Variants in ATXN10 observed in about 807,000 individuals in gnomAD.
ATXN10 encodes the protein ataxin-10.
Under a neutral mutation model 52.9 loss-of-function variants are expected in ATXN10, and 28 were observed. The ratio of observed to expected loss-of-function variants is 0.53; its 90% CI spans 0.39 to 0.73. The LOEUF (loss-of-function observed/expected upper bound fraction) is 0.73. Among genes scored for constraint, ATXN10 ranks in the 30% least tolerant of loss-of-function variants. The pLI, the probability that ATXN10 is intolerant of heterozygous loss-of-function variation, is 0.00. For synonymous variants in ATXN10, 226 were observed against 221.5 expected, an observed-to-expected ratio of 1.02 and a Z score of -0.18; for missense variants, 565 against 577.0, an observed-to-expected ratio of 0.98 and a Z score of 0.21.
chr22:45,785,356 G>T (rs1435033716), intron 9 of ATXN10, among the ~76,000 whole-genome samples: 3 of 152,140 alleles, frequency 2.0e-5, no homozygotes, highest in African/African-American at 7.2e-5. Context: ...TTGACATTTT[G>T]CCTAATTAAA....
chr22:45,807,080 A>C (rs753770293), intron 10 of ATXN10, 58 bp downstream of exon 10: 1 of 1,405,644 alleles, frequency 7.1e-7, no homozygotes, highest in South Asian at 1.1e-5. Flanking sequence ...TTAGCAAAAC[A>C]AGTCCCTTGC....
chr22:45,822,523 A>ATTTT (rs763159693), intron 10 of ATXN10, among the ~76,000 whole-genome samples: 39 of 96,600 alleles, frequency 4.0e-4, no homozygotes, highest in African/African-American at 9.1e-4. Context: ...AATTTCTCCA[A>ATTTT]TTTTTTTTTT....
chr22:45,800,007 A>G (rs978848930), intron 9 of ATXN10, among the ~76,000 whole-genome samples: 1 of 152,216 alleles, frequency 6.6e-6, no homozygotes, highest in Admixed American at 6.5e-5. Context: ...TTGATTTAAA[A>G]TAGCCACATA....
At position 45,761,775 on chromosome 22, in the gene ATXN10, T is replaced by C. The variant is rs527735669; in HGVS notation, c.1173+21237T>C. 3.3e-5 allele frequency among the ~76,000 whole-genome samples: 5 copies of C among 152,368 alleles called. No homozygotes were observed. The East Asian group carries it at 9.6e-4, about 29-fold the overall frequency. On this transcript the variant is annotated intron_variant, in intron 9 of 11. Transcript: ENST00000252934. ...GAATATCAAAAGTTGGTTACTTTTC[T>C]AAATGGGCCTTTAATTAAAATTTTA...
At chr22:45,801,097 G>A (rs1013476018) in intron 9 of ATXN10, among the ~76,000 whole-genome samples, 8 of 152,216 alleles carry the variant, frequency 5.3e-5, no homozygotes, top group African/African-American at 1.9e-4. Context: ...GGTTTCAGGC[G>A]TTTCTTCTGA....
At chr22:45,799,290 A>G (rs954413445) in intron 9 of ATXN10, among the ~76,000 whole-genome samples, 2 of 152,162 alleles carry the variant, frequency 1.3e-5, no homozygotes, top group African/African-American at 4.8e-5. Flanking sequence ...TGAAAATGCA[A>G]AAGACCTAGA....
intron 4 of ATXN10, 106 bp from the exon 5 acceptor site, chr22:45,702,583 C>G: frequency 1.9e-6 from 2 of 1,032,558 alleles, no homozygotes; most frequent in South Asian, 1.4e-5. Context: ...ATTCTAAATC[C>G]TCAAAAGTAT....
At chr22:45,793,771 CA>C (rs1388660568) in intron 9 of ATXN10, 1 of 1,376,538 alleles carries the variant, frequency 7.3e-7, no homozygotes, top group Non-Finnish European at 9.4e-7. Context: ...CCCAGTGATG[CA>C]GGACAGGTAA....
intron 9 of ATXN10, among the ~76,000 whole-genome samples, chr22:45,765,621 C>T (rs1166280588): frequency 1.3e-5 from 2 of 152,068 alleles, no homozygotes; most frequent in Non-Finnish European, 2.9e-5. Flanking sequence ...TTTTAAAAGC[C>T]CCTCCATGTC....
chr22:45,727,278 A>G lies in ATXN10; in HGVS notation c.729-2147A>G, dbSNP rs1318132782. On this transcript the variant is annotated intron_variant, in intron 6 of 11. Transcript: ENST00000252934. This position sits in a 1 kb window ranked among gnomAD's most constrained non-coding sequence, Gnocchi z 4.6. ...TGGAATTGATTTCTAGTTTTATTCT[A>G]TTGTGGTCTGAGAAGATACTTGATA... Among the ~76,000 whole-genome samples the G allele has an allele frequency of 6.6e-6, 1 of 151,968 alleles. No homozygotes were observed. Among genetic ancestry groups the G allele is most frequent in the African/African-American group, 2.4e-5 (1 of 41,380 alleles).
At chr22:45,811,241 T>G (rs745308164) in intron 10 of ATXN10, among the ~76,000 whole-genome samples, 3 of 152,204 alleles carry the variant, frequency 2.0e-5, no homozygotes, top group Non-Finnish European at 4.4e-5. Context: ...GTTATCATTA[T>G]GAAGTGACCC....
chr22:45,789,903 A>G lies in ATXN10; in HGVS notation c.1174-17056A>G, dbSNP rs1927449798. Reference sequence around the variant, plus strand: ...TGGGTCAGAACAACACATGAATCTAATTAACTGCAAAATCACTTTGACCTC... The same window carrying G: ...TGGGTCAGAACAACACATGAATCTAGTTAACTGCAAAATCACTTTGACCTC... On this transcript the variant is annotated intron_variant, in intron 9 of 11. Transcript: ENST00000252934. The surrounding 1 kb of genome is among the most constrained non-coding windows in gnomAD (Gnocchi z 4.0). Among the ~76,000 whole-genome samples the G allele has an allele frequency of 6.6e-6, 1 of 152,168 alleles. No individual in the cohort carries two copies. The highest frequency in any genetic ancestry group is 1.5e-5 in the Non-Finnish European group (1 of 68,028).
In ATXN10 at chr22:45,712,662, A is replaced by G. The variant is rs1986473449; in HGVS notation, c.648-5751A>G. Among the ~76,000 whole-genome samples, 1 of 152,224 alleles carries G rather than the reference A, an allele frequency of 6.6e-6. No homozygotes were observed. The highest frequency in any genetic ancestry group is 1.5e-5 in the Non-Finnish European group (1 of 68,040). ...TAATACGTTTCCCCCAGTGCCTGGCACATGTAGATTCAGGAAATCTATTTA... is the reference window on the plus strand; with the variant it reads ...TAATACGTTTCCCCCAGTGCCTGGCGCATGTAGATTCAGGAAATCTATTTA... On this transcript the variant is annotated intron_variant, in intron 5 of 11. Transcript: ENST00000252934. The surrounding 1 kb of genome is among the most constrained non-coding windows in gnomAD (Gnocchi z 4.6).
Position 45,705,641 on chromosome 22 carries a change from G to T in ATXN10, c.647+2794G>T, listed in dbSNP as rs965826171. Among the ~76,000 whole-genome samples, 9 of 151,986 alleles carry T rather than the reference G, an allele frequency of 5.9e-5. No individual in the cohort carries two copies. The highest frequency in any genetic ancestry group is 2.2e-4 in the African/African-American group (9 of 41,368). On this transcript the variant is annotated intron_variant, in intron 5 of 11. Transcript: ENST00000252934. This position sits in a 1 kb window ranked among gnomAD's most constrained non-coding sequence, Gnocchi z 5.2. ...AGTAGAGACGGGGTTTCACCATCTT[G>T]GCCAGGTTGGTATTGAACTCCTAAT... is the stretch of plus-strand genomic sequence containing the variant.
chr22:45,699,267 T>C (rs1056610694), intron 3 of ATXN10, among the ~76,000 whole-genome samples: 8 of 152,128 alleles, frequency 5.3e-5, no homozygotes, highest in Non-Finnish European at 1.0e-4. Context: ...TGTACCTGTC[T>C]GGAGTTTTCT....
chr22:45,705,599 A>AT lies in ATXN10; in HGVS notation c.647+2760dup, dbSNP rs1252334325. On this transcript the variant is annotated intron_variant, in intron 5 of 11. Coordinates refer to ENST00000252934, the MANE Select transcript of ATXN10 (RefSeq NM_013236.4). The surrounding 1 kb of genome is among the most constrained non-coding windows in gnomAD (Gnocchi z 5.2). ...AGGTGCCCGCCACCACACCCGGCTA[A>AT]TTTTTTTTGTATTTTTAGTAGAGAC... Among the ~76,000 whole-genome samples, 5 of 151,474 alleles carry AT rather than the reference A, an allele frequency of 3.3e-5. No homozygotes were observed. Among genetic ancestry groups the AT allele is most frequent in the Admixed American group, 3.3e-4 (5 of 15,220 alleles).
intron 10 of ATXN10, among the ~76,000 whole-genome samples, chr22:45,832,660 T>C (rs1929031684): frequency 6.6e-6 from 1 of 152,246 alleles, no homozygotes; most frequent in Non-Finnish European, 1.5e-5. Context: ...GAATAGATCA[T>C]GATTAAATTT....
At chr22:45,821,111 T>C (rs1928631663) in intron 10 of ATXN10, among the ~76,000 whole-genome samples, 2 of 152,174 alleles carry the variant, frequency 1.3e-5, no homozygotes, top group African/African-American at 2.4e-5. Flanking sequence ...TGACTGAAGA[T>C]AGGAAAAGCC....
chr22:45,810,206 C>T (rs964019859), intron 10 of ATXN10, among the ~76,000 whole-genome samples: 2 of 152,190 alleles, frequency 1.3e-5, no homozygotes, highest in African/African-American at 4.8e-5. Flanking sequence ...CCACCTTTAT[C>T]AGAAGAATTG....
Sources: allele counts gnomAD v4.1 joint callset (sites outside exome capture counted in the v4.1 genomes callset), GRCh38; gene constraint gnomAD v4.1.1; non-coding constraint Gnocchi (gnomAD v3.1); transcripts MANE v1.5; gene names NCBI Gene and HGNC (gene_info 2026-07-23, HGNC 2026-07-21).